Variants in MPPED2 observed in about 807,000 individuals in gnomAD.
MPPED2 encodes the protein metallophosphoesterase domain containing 2.
MPPED2 carries 5 observed loss-of-function variants against 33.0 expected under a neutral mutation model. That is an observed-to-expected ratio of 0.15 (90% CI 0.08 to 0.32). The LOEUF (loss-of-function observed/expected upper bound fraction) is 0.32, where lower values mean the gene tolerates loss of function less well. Ranked by LOEUF, MPPED2 falls within the 10% of genes least tolerant of loss-of-function variation. The pLI, the probability that MPPED2 is intolerant of heterozygous loss-of-function variation, is 1.00. For synonymous variants in MPPED2, 136 were observed against 141.9 expected, an observed-to-expected ratio of 0.96 and a Z score of 0.29; for missense variants, 275 against 372.1, an observed-to-expected ratio of 0.74 and a Z score of 2.15.
At chr11:30,426,584 T>C (rs1163344804) in intron 4 of MPPED2, among the ~76,000 whole-genome samples, 1 of 152,204 alleles carries the variant, frequency 6.6e-6, no homozygotes, top group African/African-American at 2.4e-5. Flanking sequence ...ATCACCTGGA[T>C]GCCTATAATG....
At chr11:30,451,905 A>T (rs1950080469) in intron 4 of MPPED2, 16 of 985,376 alleles carry the variant, frequency 1.6e-5, no homozygotes, top group Non-Finnish European at 1.9e-5. Context: ...AATTGTGGGC[A>T]AGTCATTTAA....
chr11:30,535,945 T>C, intron 3 of MPPED2, 49 bp downstream of exon 3: 1 of 1,496,594 alleles, frequency 6.7e-7, no homozygotes, highest in African/African-American at 1.4e-5. Flanking sequence ...TGAGTGACAC[T>C]CGGACGGGAA....
intron 2 of MPPED2, among the ~76,000 whole-genome samples, chr11:30,536,474 G>A (rs888035681): frequency 1.3e-5 from 2 of 152,176 alleles, no homozygotes; most frequent in Admixed American, 6.5e-5. Context: ...TAATGGTGAA[G>A]TTTAGGGATA....
At chr11:30,544,050 A>G (rs1321199357) in intron 2 of MPPED2, among the ~76,000 whole-genome samples, 2 of 152,112 alleles carry the variant, frequency 1.3e-5, no homozygotes, top group African/African-American at 4.8e-5. Flanking sequence ...TTCCTCTTAC[A>G]AAAGTACAGT....
At chr11:30,476,641 C>CAA (rs1277478841) in intron 4 of MPPED2, among the ~76,000 whole-genome samples, 2 of 152,004 alleles carry the variant, frequency 1.3e-5, no homozygotes, top group African/African-American at 4.8e-5. Context: ...TTTGAATAAT[C>CAA]AAAGCTTCAT....
chr11:30,474,576 G>A (rs1282667948), intron 4 of MPPED2, among the ~76,000 whole-genome samples: 1 of 152,076 alleles, frequency 6.6e-6, no homozygotes, highest in Non-Finnish European at 1.5e-5. Flanking sequence ...ACACTGATTG[G>A]TCCAAAGAAA....
intron 4 of MPPED2, among the ~76,000 whole-genome samples, chr11:30,450,917 C>T (rs1227148646): frequency 1.3e-5 from 2 of 152,236 alleles, no homozygotes; most frequent in African/African-American, 4.8e-5. Context: ...TGAACCCGAT[C>T]TCATAGGCTC....
At position 30,414,217 on chromosome 11, in the gene MPPED2, G is replaced by T; in HGVS notation, c.766+11C>A. 3 of 1,586,534 alleles carry T rather than the reference G, an allele frequency of 1.9e-6. No homozygotes were observed. Among genetic ancestry groups the T allele is most frequent in the Non-Finnish European group, 2.6e-6 (3 of 1,154,974 alleles). ...CACAAAATGTTTTGAATTCTTTTCC[G>T]CTGTTCTTACCTTCATGGATTCCAC... On this transcript the variant is annotated intron_variant, in intron 6 of 6. Coordinates refer to ENST00000358117, the MANE Select transcript of MPPED2 (RefSeq NM_001584.3).
In MPPED2 at chr11:30,410,588, G is replaced by A. The variant is rs1403674599; in HGVS notation, c.*880C>T. On this transcript the variant is annotated 3_prime_UTR_variant, in exon 7 of 7. Coordinates refer to ENST00000358117, the MANE Select transcript of MPPED2 (RefSeq NM_001584.3). ...TAACTCAAGCTCTTTAAGACCTTGA[G>A]CTCTGAGAGAATGTGTCAGTTCCTT... The A allele has an allele frequency of 3.0e-6, 3 of 985,742 alleles. No homozygotes were observed. The highest frequency in any genetic ancestry group is 2.3e-4 in the East Asian group (2 of 8,810). 61.1% of individuals were successfully genotyped at this position (985,742 alleles called of 1,614,324 possible). A position where few individuals can be genotyped will look rare whatever the true frequency, so the allele number is the denominator to read the frequency against.
At chr11:30,576,637 C>A (rs1290820251) in intron 2 of MPPED2, among the ~76,000 whole-genome samples, 1 of 152,042 alleles carries the variant, frequency 6.6e-6, no homozygotes, top group Non-Finnish European at 1.5e-5. Context: ...ACATTGGCTC[C>A]TTCAGCACCT....
At chr11:30,494,757 A>AAAAAAAGAAAG (rs768924251) in intron 4 of MPPED2, among the ~76,000 whole-genome samples, 3 of 120,886 alleles carry the variant, frequency 2.5e-5, no homozygotes, top group African/African-American at 9.6e-5. Flanking sequence ...AAAAAAAAAA[A>AAAAAAAGAAAG]AAAGAAAGAA....
At chr11:30,565,637 A>G (rs576297572) in intron 2 of MPPED2, among the ~76,000 whole-genome samples, 71 of 152,314 alleles carry the variant, frequency 4.7e-4, no homozygotes, top group Non-Finnish European at 1.0e-3. Flanking sequence ...AGGGAAAGTT[A>G]GAGAGAAAAC....
At chr11:30,397,281 T>C (rs868464620) in intron 6 of MPPED2, among the ~76,000 whole-genome samples, 1 of 152,176 alleles carries the variant, frequency 6.6e-6, no homozygotes, top group Non-Finnish European at 1.5e-5. Context: ...TCTTGTATGC[T>C]AGTTTGTTTT....
intron 3 of MPPED2, among the ~76,000 whole-genome samples, chr11:30,534,892 G>A (rs887025995): frequency 6.6e-6 from 1 of 152,118 alleles, no homozygotes; most frequent in African/African-American, 2.4e-5. Context: ...TGAATGCCAT[G>A]CTGCTATTAA....
chr11:30,488,070 T>C (rs1408472618), intron 4 of MPPED2, among the ~76,000 whole-genome samples: 1 of 152,192 alleles, frequency 6.6e-6, no homozygotes, highest in Non-Finnish European at 1.5e-5. Flanking sequence ...TATTTTGCCC[T>C]CAAATTAAGT....
chr11:30,417,529 C>G lies in MPPED2; in HGVS notation c.641G>C (p.Gly214Ala), dbSNP rs758372757. The G allele has an allele frequency of 6.2e-6, 10 of 1,605,766 alleles. No individual in the cohort carries two copies. In the South Asian group the frequency reaches 1.1e-4, roughly 18 times the overall value. ...TTTGCTTCACTTACCTAGAGGAGGTCCATGTGTCATGAGTATGTCAATGCC... is the reference window on the plus strand; with the variant it reads ...TTTGCTTCACTTACCTAGAGGAGGTGCATGTGTCATGAGTATGTCAATGCC... ...PEGIDILMTH[G>A]PPLGFRDWVP... Residue 214 changes from glycine to alanine, a missense_variant, in exon 5 of 7, where the codon GGA (glycine) becomes GCA (alanine). Transcript: ENST00000358117.
intron 2 of MPPED2, among the ~76,000 whole-genome samples, chr11:30,563,350 C>T (rs926994576): frequency 1.3e-5 from 2 of 152,094 alleles, no homozygotes; most frequent in Admixed American, 6.6e-5. Flanking sequence ...ACGTAGATCC[C>T]TCGTATGCAC....
At chr11:30,554,892 A>C (rs1330211507) in intron 2 of MPPED2, among the ~76,000 whole-genome samples, 3 of 152,152 alleles carry the variant, frequency 2.0e-5, no homozygotes, top group Non-Finnish European at 4.4e-5. Context: ...CTCTAAGTAC[A>C]CTGCTCATTG....
Position 30,508,929 on chromosome 11 carries a change from T to G in MPPED2, c.311-13408A>C, listed in dbSNP as rs140792906. Among the ~76,000 whole-genome samples, 259 of 152,292 alleles carry G rather than the reference T, an allele frequency of 1.7e-3. 1 individual carries two copies. The highest frequency in any genetic ancestry group is 5.9e-3 in the African/African-American group (247 of 41,570). On this transcript the variant is annotated intron_variant, in intron 3 of 6. Coordinates refer to ENST00000358117, the MANE Select transcript of MPPED2 (RefSeq NM_001584.3). ...GGGTTCGAACTATATTCTATTCATC[T>G]TTGCATTCCCAGAAGGCCTCAATCA...
Sources: gnomAD v4.1 joint callset for allele counts (sites outside exome capture counted in the v4.1 genomes callset) on GRCh38, gnomAD v4.1.1 for gene constraint, MANE v1.5 for transcripts, NCBI Gene and HGNC (gene_info 2026-07-23, HGNC 2026-07-21) for gene names.